The following FARP1 variants were observed in gnomAD, a reference collection of about 807,000 sequenced individuals.
FARP1 encodes the protein FERM, ARHGEF and pleckstrin domain-containing protein 1.
A neutral mutation model predicts 128.8 loss-of-function variants in FARP1; 52 were observed. The ratio of observed to expected loss-of-function variants is 0.40; its 90% CI spans 0.32 to 0.51. The LOEUF is 0.51. Ranked by LOEUF, FARP1 falls within the 20% of genes least tolerant of loss-of-function variation. FARP1 has a pLI of 0.45. For missense variants in FARP1, 1,333 were observed against 1,367.9 expected (o/e 0.97, Z 0.40); for synonymous variants, 580 against 551.8 (o/e 1.05, Z -0.72).
At chr13:98,411,524 C>G (rs745334978) in intron 15 of FARP1, among the ~76,000 whole-genome samples, 1 of 152,168 alleles carries the variant, frequency 6.6e-6, no homozygotes, top group African/African-American at 2.4e-5. Flanking sequence ...AACAAAGGAA[C>G]AGAGATGGAA....
At chr13:98,411,254 A>G (rs975293542) in intron 15 of FARP1, among the ~76,000 whole-genome samples, 2 of 152,158 alleles carry the variant, frequency 1.3e-5, no homozygotes, top group Non-Finnish European at 2.9e-5. Flanking sequence ...TATTATTTTA[A>G]TCAGTCCTGC....
intron 2 of FARP1, among the ~76,000 whole-genome samples, chr13:98,259,717 C>T (rs1883780058): frequency 1.3e-5 from 2 of 151,912 alleles, no homozygotes; most frequent in South Asian, 4.2e-4. Flanking sequence ...TGGAGCTTGA[C>T]TTATTGCATG....
At position 98,151,660 on chromosome 13, in the gene FARP1, C is replaced by CTTTTTTTTTTTTTTTTTTTTTTTTTTTTT. The variant is rs34250002; in HGVS notation, c.-24+8187_-24+8188insTTTTTTTTTTTTTTTTTTTTTTTTTTTTT. Among the ~76,000 whole-genome samples the CTTTTTTTTTTTTTTTTTTTTTTTTTTTTT allele has an allele frequency of 8.7e-5, 6 of 69,224 alleles. 2 individuals are homozygous for CTTTTTTTTTTTTTTTTTTTTTTTTTTTTT. Among genetic ancestry groups the CTTTTTTTTTTTTTTTTTTTTTTTTTTTTT allele is most frequent in the Non-Finnish European group, 1.4e-4 (5 of 36,156 alleles). 45.4% of individuals were successfully genotyped at this position (69,224 alleles called of 152,430 possible). On this transcript the variant is annotated intron_variant, in intron 1 of 26. Coordinates refer to ENST00000319562, the MANE Select transcript of FARP1 (RefSeq NM_005766.4). Reference sequence around the variant, plus strand: ...AAACCTGCCCTTATATATCTTCCATCTTTTTTTTTTTTTTTTTTTGAGACG... The same window carrying CTTTTTTTTTTTTTTTTTTTTTTTTTTTTT: ...AAACCTGCCCTTATATATCTTCCATCTTTTTTTTTTTTTTTTTTTTTTTTTTTTTTTTTTTTTTTTTTTTTTTTGAGACG...
At chr13:98,226,362 A>G (rs1472253099) in intron 2 of FARP1, among the ~76,000 whole-genome samples, 1 of 152,134 alleles carries the variant, frequency 6.6e-6, no homozygotes, top group Non-Finnish European at 1.5e-5. Flanking sequence ...TCGTAAGGAC[A>G]TGGTCATATT....
intron 2 of FARP1, among the ~76,000 whole-genome samples, chr13:98,224,533 A>G (rs1478627572): frequency 7.9e-5 from 4 of 50,824 alleles, no homozygotes; most frequent in South Asian, 9.7e-4. Flanking sequence ...TCTCAAAAAA[A>G]AAAAAAAAAA....
intron 1 of FARP1, among the ~76,000 whole-genome samples, chr13:98,167,200 T>C (rs1046732853): frequency 2.0e-5 from 3 of 152,320 alleles, no homozygotes; most frequent in East Asian, 1.9e-4. Flanking sequence ...CTTATTGATT[T>C]ATAGGACTTC....
chr13:98,247,505 A>C (rs1215475085), intron 2 of FARP1, among the ~76,000 whole-genome samples: 1 of 152,090 alleles, frequency 6.6e-6, no homozygotes, highest in Admixed American at 6.6e-5. Context: ...CTGCTGGGGG[A>C]GTGGAGCTCA....
chr13:98,372,966 A>G, intron 5 of FARP1, among the ~76,000 whole-genome samples: 1 of 152,342 alleles, frequency 6.6e-6, no homozygotes, highest in East Asian at 1.9e-4. Flanking sequence ...CAGAATCTCT[A>G]AAGTTAGCAT....
At chr13:98,303,946 G>A (rs1397612552) in intron 2 of FARP1, among the ~76,000 whole-genome samples, 1 of 152,202 alleles carries the variant, frequency 6.6e-6, no homozygotes. Flanking sequence ...ATTCATCAGA[G>A]TTCACTCGTT....
intron 16 of FARP1, among the ~76,000 whole-genome samples, chr13:98,422,935 A>T (rs1213348694): frequency 6.6e-6 from 1 of 152,128 alleles, no homozygotes; most frequent in Non-Finnish European, 1.5e-5. Context: ...TTTATTTAGG[A>T]GTATTGACTC....
chr13:98,237,787 C>T (rs2139431650), intron 2 of FARP1, among the ~76,000 whole-genome samples: 1 of 152,146 alleles, frequency 6.6e-6, no homozygotes, highest in South Asian at 2.1e-4. Flanking sequence ...GCTTCAGTTG[C>T]CCACCATTTC....
intron 18 of FARP1, chr13:98,433,760 T>A (rs1892139083): frequency 6.6e-6 from 1 of 152,394 alleles, no homozygotes; most frequent in Admixed American, 6.5e-5. Flanking sequence ...GTGCATTCCG[T>A]TCCTTCTGCT....
intron 2 of FARP1, among the ~76,000 whole-genome samples, chr13:98,231,049 G>A (rs1014773315): frequency 6.6e-6 from 1 of 152,092 alleles, no homozygotes; most frequent in African/African-American, 2.4e-5. Context: ...ACAGTAAGGG[G>A]GGAACTGCCC....
At chr13:98,296,061 G>A (rs1215166164) in intron 2 of FARP1, among the ~76,000 whole-genome samples, 5 of 152,140 alleles carry the variant, frequency 3.3e-5, no homozygotes, top group Admixed American at 2.0e-4. Context: ...TCCCAGGTGC[G>A]ACACCAGCTA....
At chr13:98,269,761 C>T (rs369651319) in intron 2 of FARP1, among the ~76,000 whole-genome samples, 203 of 152,180 alleles carry the variant, frequency 1.3e-3, no homozygotes, top group Non-Finnish European at 2.5e-3. Flanking sequence ...AGTGAGTGGT[C>T]GGGGGGTGTC....
At position 98,452,104 on chromosome 13, in the gene FARP1, A is replaced by G. The variant is rs1008936219; in HGVS notation, c.*3787A>G. On this transcript the variant is annotated 3_prime_UTR_variant, in exon 27 of 27. Transcript: ENST00000319562. Reference sequence around the variant, plus strand: ...CACGAGTACACACGCACGGCCACACATACACAGCAGGTGCCCTGTCCTCTG... The same window carrying G: ...CACGAGTACACACGCACGGCCACACGTACACAGCAGGTGCCCTGTCCTCTG... 1.3e-5 allele frequency: 2 copies of G among 152,206 alleles called. No individual in the cohort carries two copies. Among genetic ancestry groups the G allele is most frequent in the Admixed American group, 1.3e-4 (2 of 15,278 alleles). The allele number at this position is 152,206 out of a possible 1,614,324, so 9.4% of individuals were successfully genotyped here. A position where few individuals can be genotyped will look rare whatever the true frequency, so the allele number is the denominator to read the frequency against.
Position 98,344,230 on chromosome 13 carries a change from G to A in FARP1, c.276+364G>A, listed in dbSNP as rs9582215. Among the ~76,000 whole-genome samples the A allele has an allele frequency of 5.9e-3, 897 of 152,338 alleles. 11 individuals carry two copies. Among genetic ancestry groups the A allele is most frequent in the African/African-American group, 0.02 (852 of 41,572 alleles). ...ATAGGACCAGACTGGAGTCAAGAAA[G>A]CCATCAGGATCTAGCGATGAGTCTG... On this transcript the variant is annotated intron_variant, in intron 3 of 26. Transcript: ENST00000319562.
chr13:98,351,611 A>G (rs980642183), intron 3 of FARP1, among the ~76,000 whole-genome samples: 14 of 90,682 alleles, frequency 1.5e-4, no homozygotes, highest in African/African-American at 4.2e-4. Context: ...GACTCCATCT[A>G]AAAAAAAAAA....
chr13:98,419,033 T>G (rs192485157), intron 16 of FARP1, among the ~76,000 whole-genome samples: 138 of 152,352 alleles, frequency 9.1e-4, no homozygotes, highest in African/African-American at 3.0e-3. Context: ...TTCCCGCAGC[T>G]GCCAAAGGCG....
Sources: allele counts gnomAD v4.1 joint callset (sites outside exome capture counted in the v4.1 genomes callset), GRCh38; gene constraint gnomAD v4.1.1; transcripts MANE v1.5; gene names NCBI Gene and HGNC (gene_info 2026-07-23, HGNC 2026-07-21).